FAT3: variants seen among roughly 807,000 people sequenced by gnomAD.
FAT3 encodes FAT atypical cadherin 3, also known as protocadherin Fat 3.
In FAT3, 95 loss-of-function variants were observed where a neutral mutation model predicts 310.2. The observed-to-expected ratio is 0.31, with a 90% CI of 0.26 to 0.36. The LOEUF (loss-of-function observed/expected upper bound fraction) is 0.36. FAT3 is among the 10% of genes least tolerant of loss of function. The pLI is 1.00. For synonymous variants in FAT3, 2,314 were observed against 2,192.9 expected, an observed-to-expected ratio of 1.06 and a Z score of -1.54; for missense variants, 5,408 against 5,715.6, an observed-to-expected ratio of 0.95 and a Z score of 1.74.
chr11:92,232,628 G>GTT lies in FAT3; in HGVS notation c.-18+7479_-18+7480dup, dbSNP rs56273706. Among the ~76,000 whole-genome samples the GTT allele has an allele frequency of 5.1e-4, 38 of 74,748 alleles. 1 individual carries two copies. The highest frequency in any genetic ancestry group is 1.7e-3 in the South Asian group (3 of 1,746). The allele number at this position is 74,748 out of a possible 152,430, so 49.0% of individuals were successfully genotyped here. A position where few individuals can be genotyped will look rare whatever the true frequency, so the allele number is the denominator to read the frequency against. On this transcript the variant is annotated intron_variant, in intron 1 of 27. Coordinates refer to ENST00000525166, the MANE Select transcript of FAT3 (RefSeq NM_001367949.2). Reference sequence around the variant, plus strand: ...TGTGCTTCTTGACTTCAGTGATGTCGTTTTTTTTTTTTTTTTTTTTTTTTT... The same window carrying GTT: ...TGTGCTTCTTGACTTCAGTGATGTCGTTTTTTTTTTTTTTTTTTTTTTTTTTT...
intron 21 of FAT3, among the ~76,000 whole-genome samples, chr11:92,859,972 A>G (rs1463231835): frequency 2.0e-5 from 3 of 152,170 alleles, no homozygotes. Context: ...AAGCTGAGGC[A>G]GGTGCATCAC....
At chr11:92,615,413 AT>A (rs1940755431) in intron 3 of FAT3, among the ~76,000 whole-genome samples, 1 of 151,886 alleles carries the variant, frequency 6.6e-6, no homozygotes, top group Non-Finnish European at 1.5e-5. Flanking sequence ...CGCCTGGCTA[AT>A]TTTTGTATTT....
In FAT3 at chr11:92,798,472, C is replaced by A; in HGVS notation, c.5459C>A (p.Ala1820Glu). The change falls in exon 10 of 28, where the codon GCA becomes GAA. Residue 1820 changes from alanine to glutamate, a missense_variant. Coordinates refer to ENST00000525166, the MANE Select transcript of FAT3 (RefSeq NM_001367949.2). ...GTGTATCAGATTGTGGAGTCAACAG[C>A]AAAAAAGTTTTTCACGGTGGACTCC... ...LLVYQIVEST[A>E]KKFFTVDSST... is the part of the protein sequence containing the mutation. 1 of 1,613,506 alleles carries A rather than the reference C, an allele frequency of 6.2e-7. No homozygotes were observed. Among genetic ancestry groups the A allele is most frequent in the Non-Finnish European group, 8.5e-7 (1 of 1,179,792 alleles).
intron 1 of FAT3, among the ~76,000 whole-genome samples, chr11:92,344,419 A>G (rs1218080155): frequency 1.3e-5 from 2 of 152,176 alleles, no homozygotes; most frequent in African/African-American, 4.8e-5. Flanking sequence ...TTTTGTTATC[A>G]GATCACCAAT....
intron 1 of FAT3, among the ~76,000 whole-genome samples, chr11:92,337,670 G>A (rs993885182): frequency 1.3e-5 from 2 of 152,218 alleles, no homozygotes; most frequent in African/African-American, 4.8e-5. Flanking sequence ...GACCTCAGGT[G>A]ATCCATATGC....
At chr11:92,753,389 T>G (rs1419656548) in intron 4 of FAT3, among the ~76,000 whole-genome samples, 3 of 152,210 alleles carry the variant, frequency 2.0e-5, no homozygotes, top group African/African-American at 7.2e-5. Flanking sequence ...CCAGTTATTT[T>G]AAGTCACATA....
At chr11:92,856,369 T>C (rs1948980280) in intron 19 of FAT3, among the ~76,000 whole-genome samples, 1 of 152,200 alleles carries the variant, frequency 6.6e-6, no homozygotes, top group Non-Finnish European at 1.5e-5. Context: ...CCACTGAAAG[T>C]CTTACCAGAT....
intron 3 of FAT3, among the ~76,000 whole-genome samples, chr11:92,614,954 T>A (rs1287898784): frequency 1.3e-5 from 2 of 152,250 alleles, no homozygotes. Flanking sequence ...CTATATGTTA[T>A]GTCTGTACAA....
intron 2 of FAT3, among the ~76,000 whole-genome samples, chr11:92,390,934 A>C (rs1417736720): frequency 6.6e-6 from 1 of 152,166 alleles, no homozygotes; most frequent in African/African-American, 2.4e-5. Context: ...GAGCCTTTGA[A>C]TGGCAGATTA....
At chr11:92,690,787 G>A (rs541545569) in intron 3 of FAT3, among the ~76,000 whole-genome samples, 1 of 152,222 alleles carries the variant, frequency 6.6e-6, no homozygotes, top group African/African-American at 2.4e-5. Flanking sequence ...TGTAAATACT[G>A]CAGGGAATAT....
intron 3 of FAT3, among the ~76,000 whole-genome samples, chr11:92,549,241 C>G (rs1304926264): frequency 6.6e-6 from 1 of 152,112 alleles, no homozygotes; most frequent in Admixed American, 6.6e-5. Context: ...TCCCCACTAT[C>G]AGGGCGTTTT....
At chr11:92,381,735 G>T (rs1195519669) in intron 2 of FAT3, among the ~76,000 whole-genome samples, 2 of 151,718 alleles carry the variant, frequency 1.3e-5, no homozygotes, top group Admixed American at 1.3e-4. Context: ...GGATTTTTTG[G>T]TGAATTATAT....
intron 2 of FAT3, among the ~76,000 whole-genome samples, chr11:92,375,510 T>C (rs1484739044): frequency 8.3e-6 from 1 of 120,180 alleles, no homozygotes. Flanking sequence ...TGGTTGACAT[T>C]TGAGGAAGAT....
chr11:92,867,276 G>T, intron 22 of FAT3, 67 bp downstream of exon 22: 1 of 1,403,978 alleles, frequency 7.1e-7, no homozygotes, highest in Non-Finnish European at 9.5e-7. Flanking sequence ...ACTGCAGGGG[G>T]ATCCCTGCCC....
At chr11:92,345,906 C>G (rs948823976) in intron 1 of FAT3, among the ~76,000 whole-genome samples, 3 of 152,106 alleles carry the variant, frequency 2.0e-5, no homozygotes, top group African/African-American at 7.2e-5. Context: ...ATCCCTTTGG[C>G]TATAAAACTC....
At chr11:92,305,648 A>T (rs1292205913) in intron 1 of FAT3, among the ~76,000 whole-genome samples, 1 of 152,150 alleles carries the variant, frequency 6.6e-6, no homozygotes, top group Non-Finnish European at 1.5e-5. Context: ...AGGTGAAAGA[A>T]CATCACTTCT....
intron 1 of FAT3, among the ~76,000 whole-genome samples, chr11:92,286,023 C>T (rs1234028354): frequency 6.6e-6 from 1 of 152,040 alleles, no homozygotes. Context: ...ATGAGAGTGT[C>T]GGTAAAAACT....
At chr11:92,283,307 G>A (rs780900319) in intron 1 of FAT3, among the ~76,000 whole-genome samples, 92 of 152,148 alleles carry the variant, frequency 6.0e-4, no homozygotes, top group Non-Finnish European at 1.2e-3. Flanking sequence ...TTTACTTGAC[G>A]TGTAGGTTGG....
chr11:92,565,789 C>G (rs1388334532), intron 3 of FAT3, among the ~76,000 whole-genome samples: 1 of 152,128 alleles, frequency 6.6e-6, no homozygotes, highest in Non-Finnish European at 1.5e-5. Flanking sequence ...ACAAAAACCA[C>G]ATGATATCTC....
Sources: gnomAD v4.1 joint callset for allele counts (sites outside exome capture counted in the v4.1 genomes callset) on GRCh38, gnomAD v4.1.1 for gene constraint, MANE v1.5 for transcripts, NCBI Gene and HGNC (gene_info 2026-07-23, HGNC 2026-07-21) for gene names.